The following PDE4DIP variants were observed in gnomAD, a reference collection of about 807,000 sequenced individuals.
PDE4DIP encodes phosphodiesterase 4D interacting protein, also known as myomegalin.
In PDE4DIP, 59 loss-of-function variants were observed where a neutral mutation model predicts 221.4. The ratio of observed to expected loss-of-function variants is 0.27; its 90% CI spans 0.22 to 0.33. PDE4DIP has a LOEUF of 0.33. Among genes scored for constraint, PDE4DIP ranks in the 10% least tolerant of loss-of-function variants. The pLI is 1.00. For synonymous variants in PDE4DIP, 404 were observed against 815.9 expected, an observed-to-expected ratio of 0.50 and a Z score of 8.60; for missense variants, 1,036 against 2,154.2, an observed-to-expected ratio of 0.48 and a Z score of 10.28.
intron 5 of PDE4DIP, among the ~76,000 whole-genome samples, chr1:148,944,793 C>A (rs1310377473): frequency 6.6e-6 from 1 of 152,102 alleles, no homozygotes; most frequent in East Asian, 1.9e-4. Flanking sequence ...ATTGCTTGAA[C>A]CCGGGAGGTG....
chr1:148,866,590 AAGGAAGGAAGGAAGGAAGGG>A (rs1686816165), intron 2 of PDE4DIP: 1 of 48,790 alleles, frequency 2.0e-5, no homozygotes, highest in African/African-American at 9.6e-5. Flanking sequence ...GGAAGGAAGG[AAGGAAGGAAGGAAGGAAGGG>A]AGGGAGGGAG....
At chr1:149,031,481 C>T (rs1264823284) in intron 43 of PDE4DIP, among the ~76,000 whole-genome samples, 7 of 152,146 alleles carry the variant, frequency 4.6e-5, no homozygotes, top group African/African-American at 1.7e-4. Context: ...TCCCTGTGGA[C>T]TTGGCCCCTC....
intron 22 of PDE4DIP, chr1:148,992,298 T>G (rs782801349): frequency 6.3e-7 from 1 of 1,589,436 alleles, no homozygotes. Context: ...GATGGACACA[T>G]TCCCCTTGGG....
chr1:149,028,242 A>G (rs587713212), intron 40 of PDE4DIP, among the ~76,000 whole-genome samples: 5 of 150,148 alleles, frequency 3.3e-5, no homozygotes, highest in East Asian at 2.0e-4. Context: ...GGCTACAGGC[A>G]CAGTATGAGA....
intron 1 of PDE4DIP, among the ~76,000 whole-genome samples, chr1:148,912,037 C>T (rs587597375): frequency 1.4e-5 from 2 of 146,594 alleles, no homozygotes; most frequent in South Asian, 2.2e-4. Context: ...AGGGCACAAA[C>T]ACCAAGAGGC....
exon 44 of PDE4DIP, chr1:149,032,067 T>C (rs2076896773): frequency 6.2e-7 from 1 of 1,609,558 alleles, no homozygotes. Context: ...TGTCCCCCTT[T>C]TGTGCAGCTA....
chr1:148,983,082 GA>G (rs1422651768), intron 21 of PDE4DIP: 1 of 152,072 alleles, frequency 6.6e-6, no homozygotes, highest in African/African-American at 2.4e-5. Context: ...AAGGAGATAG[GA>G]AGTGTAGGCC....
chr1:148,947,072 T>C (rs1477618637), intron 5 of PDE4DIP, among the ~76,000 whole-genome samples: 2 of 152,312 alleles, frequency 1.3e-5, no homozygotes, highest in African/African-American at 2.4e-5. Context: ...CCCTTTTAAC[T>C]AAACTGAAAG....
At chr1:148,950,735 A>G (rs12145621) in intron 5 of PDE4DIP, among the ~76,000 whole-genome samples, 18,715 of 149,868 alleles carry the variant, frequency 0.12, 738 homozygotes, top group Middle Eastern at 0.18. Context: ...CAAACCCATG[A>G]GGGATCTGCC....
intron 32 of PDE4DIP, among the ~76,000 whole-genome samples, chr1:149,015,332 G>A: frequency 6.6e-6 from 1 of 151,658 alleles, no homozygotes; most frequent in Non-Finnish European, 1.5e-5. Context: ...CTAAAAACTG[G>A]CAAGTGGCAT....
At chr1:148,934,245 A>G (rs1344168273) in intron 4 of PDE4DIP, among the ~76,000 whole-genome samples, 1 of 152,280 alleles carries the variant, frequency 6.6e-6, no homozygotes, top group East Asian at 1.9e-4. Flanking sequence ...TACAATTCTC[A>G]GTATGGTACT....
chr1:148,981,329 G>A (rs782389148), exon 21 of PDE4DIP: 40 of 1,613,986 alleles, frequency 2.5e-5, no homozygotes, highest in Middle Eastern at 3.3e-4. Context: ...TTACGCAGTC[G>A]GCTAGAAGAA....
chr1:148,991,816 A>G (rs1394760342), intron 21 of PDE4DIP, 69 bp from the exon 25 acceptor site: 2 of 622,852 alleles, frequency 3.2e-6, no homozygotes, highest in Non-Finnish European at 5.7e-6. Flanking sequence ...CAAAAAGAGT[A>G]TAATTTAACC....
At chr1:148,935,205 T>A (rs1319451716) in intron 4 of PDE4DIP, among the ~76,000 whole-genome samples, 27 of 151,256 alleles carry the variant, frequency 1.8e-4, no homozygotes, top group Admixed American at 3.3e-4. Flanking sequence ...AGAGCAAGAC[T>A]CCATCTCAAA....
At position 148,930,304 on chromosome 1, in the gene PDE4DIP, G is replaced by A. The variant is rs1289144540; in HGVS notation, c.218+1031G>A. The A allele has an allele frequency of 2.0e-4, 31 of 151,992 alleles. 1 individual carries two copies. The highest frequency in any genetic ancestry group is 2.0e-3 in the Admixed American group (31 of 15,268). The allele number at this position is 151,992 out of a possible 1,614,324, so 9.4% of individuals were successfully genotyped here. On this transcript the variant is annotated intron_variant, in intron 2 of 43. Coordinates refer to ENST00000369354, the Ensembl canonical transcript of PDE4DIP. ...CGAGGTGGGTGGATCACGAGGTCAGGAGATCGAAACCATCCTGGCTAACAC... is the reference window on the plus strand; with the variant it reads ...CGAGGTGGGTGGATCACGAGGTCAGAAGATCGAAACCATCCTGGCTAACAC...
intron 1 of PDE4DIP, among the ~76,000 whole-genome samples, chr1:148,861,670 A>G (rs1253572683): frequency 4.4e-5 from 5 of 114,714 alleles, no homozygotes; most frequent in Non-Finnish European, 8.8e-5. Flanking sequence ...GAAAGAGAGA[A>G]GTCCTCTACA....
At position 148,999,096 on chromosome 1, in the gene PDE4DIP, G is replaced by C. The variant is rs1367580528; in HGVS notation, c.3137+721G>C. On this transcript the variant is annotated intron_variant, in intron 23 of 43. Coordinates refer to ENST00000369354, the Ensembl canonical transcript of PDE4DIP. ...CTCTCCTCTCAGCTCTCACTCATAA[G>C]TCCTTCAATCATAGAGTATCAATTT... 3.7e-5 allele frequency: 5 copies of C among 136,088 alleles called. No individual in the cohort carries two copies. The East Asian group carries it at 1.1e-3, about 30-fold the overall frequency. The allele number at this position is 136,088 out of a possible 1,614,324, so 8.4% of individuals were successfully genotyped here.
intron 5 of PDE4DIP, chr1:148,952,103 C>G (rs1407765153): frequency 9.8e-7 from 1 of 1,021,010 alleles, no homozygotes; most frequent in African/African-American, 1.7e-5. Flanking sequence ...GGAGGAGCCT[C>G]GACATCCTGC....
At chr1:148,866,610 G>GGA (rs1686870777) in intron 2 of PDE4DIP, 3 of 38,896 alleles carry the variant, frequency 7.7e-5, no homozygotes, top group African/African-American at 3.5e-4. Flanking sequence ...GGAAGGAAGG[G>GGA]AGGGAGGGAG....
Sources: gnomAD v4.1 joint callset for allele counts (sites outside exome capture counted in the v4.1 genomes callset) on GRCh38, gnomAD v4.1.1 for gene constraint, MANE v1.5 for transcripts, NCBI Gene and HGNC (gene_info 2026-07-23, HGNC 2026-07-21) for gene names.